Variants in ROBO1 observed in about 807,000 individuals in gnomAD.
The protein encoded by ROBO1 is roundabout homolog 1.
In ROBO1, 149 loss-of-function variants were observed where a neutral mutation model predicts 195.9. That is an observed-to-expected ratio of 0.76 (90% CI 0.67 to 0.87). The LOEUF (loss-of-function observed/expected upper bound fraction) is 0.87. Ranked by LOEUF, ROBO1 falls within the 40% of genes least tolerant of loss-of-function variation. The probability of loss-of-function intolerance (pLI) is 0.00; values close to 1 mark genes in which losing one functional copy is unlikely to be tolerated. For missense variants in ROBO1, 1,933 were observed against 2,068.3 expected (o/e 0.93, Z 1.27); for synonymous variants, 816 against 733.2 (o/e 1.11, Z -1.82).
At chr3:79,146,385 T>C (rs2080649678) in intron 2 of ROBO1, among the ~76,000 whole-genome samples, 2 of 152,010 alleles carry the variant, frequency 1.3e-5, no homozygotes, top group African/African-American at 4.8e-5. Flanking sequence ...CTATCAGCTA[T>C]ATTGATTCTT....
At chr3:79,570,606 ATAG>A (rs1363498198) in intron 2 of ROBO1, among the ~76,000 whole-genome samples, 1 of 152,202 alleles carries the variant, frequency 6.6e-6, no homozygotes, top group African/African-American at 2.4e-5. Context: ...TAAAAATGTC[ATAG>A]TAGAAAGACA....
chr3:78,874,515 G>T (rs968897938), intron 4 of ROBO1, among the ~76,000 whole-genome samples: 1 of 151,580 alleles, frequency 6.6e-6, no homozygotes, highest in Non-Finnish European at 1.5e-5. Flanking sequence ...TACAATATGA[G>T]GTCTTAACAA....
chr3:79,210,667 T>C lies in ROBO1; in HGVS notation c.89-85128A>G, dbSNP rs139212754. On this transcript the variant is annotated intron_variant, in intron 2 of 30. Transcript: ENST00000464233. ...TGAAGGATAGGAGCAAAAGGACACC[T>C]TCTGATTGATCTTTGGTGTGAACTA... Among the ~76,000 whole-genome samples, 329 of 152,266 alleles carry C rather than the reference T, an allele frequency of 2.2e-3. 1 individual carries two copies. Among genetic ancestry groups the C allele is most frequent in the South Asian group, 0.014 (67 of 4,828 alleles).
At chr3:79,604,009 G>T (rs1352472180) in intron 1 of ROBO1, among the ~76,000 whole-genome samples, 2 of 151,958 alleles carry the variant, frequency 1.3e-5, no homozygotes, top group African/African-American at 2.4e-5. Context: ...TACACAACAG[G>T]TACTCTCACG....
intron 2 of ROBO1, among the ~76,000 whole-genome samples, chr3:79,195,077 GTGATTA>G (rs780498231): frequency 2.2e-4 from 33 of 151,534 alleles, no homozygotes; most frequent in Admixed American, 6.6e-5. Flanking sequence ...AACACATATA[GTGATTA>G]TGACTTCAGG....
intron 2 of ROBO1, among the ~76,000 whole-genome samples, chr3:79,487,676 C>T (rs1939233798): frequency 6.6e-6 from 1 of 152,280 alleles, no homozygotes; most frequent in East Asian, 1.9e-4. Flanking sequence ...TTAGCTTTCA[C>T]CTCAGCCTTT....
intron 1 of ROBO1, among the ~76,000 whole-genome samples, chr3:79,717,670 T>G (rs1288125043): frequency 6.6e-6 from 1 of 152,046 alleles, no homozygotes; most frequent in African/African-American, 2.4e-5. Flanking sequence ...ACTTTCCATC[T>G]ACTGCTATTT....
Position 78,627,389 on chromosome 3 carries a change from T to C in ROBO1, c.3807A>G (p.Glu1269=), listed in dbSNP as rs1339158762. ...STATLTPSPQ[E]ELQPMLQDCP... Reference sequence around the variant, plus strand: ...AATCCTGTAACATGGGCTGGAGTTCTTCCTGTGGGGAGGGAGTCAGAGTGG... The same window carrying C: ...AATCCTGTAACATGGGCTGGAGTTCCTCCTGTGGGGAGGGAGTCAGAGTGG... The change falls in exon 26 of 31, where the codon GAA becomes GAG. Residue 1269 remains glutamate (E), a synonymous_variant. Coordinates refer to ENST00000464233, the MANE Select transcript of ROBO1 (RefSeq NM_002941.4). The C allele has an allele frequency of 3.1e-6, 5 of 1,612,528 alleles. No homozygotes were observed. Among genetic ancestry groups the C allele is most frequent in the African/African-American group, 2.7e-5 (2 of 74,906 alleles).
At chr3:79,394,338 G>A (rs2037059601) in intron 2 of ROBO1, among the ~76,000 whole-genome samples, 1 of 152,082 alleles carries the variant, frequency 6.6e-6, no homozygotes. Flanking sequence ...GAAAACTTTA[G>A]TAAGTCACTT....
chr3:79,051,479 C>G (rs1385673323), intron 3 of ROBO1, among the ~76,000 whole-genome samples: 10 of 152,120 alleles, frequency 6.6e-5, no homozygotes, highest in African/African-American at 2.2e-4. Flanking sequence ...ACCACAGGTA[C>G]AAACAAGAGC....
intron 3 of ROBO1, chr3:79,018,760 G>C: frequency 2.6e-6 from 3 of 1,145,958 alleles, no homozygotes; most frequent in Non-Finnish European, 3.3e-6. Flanking sequence ...AGGCAGAAGC[G>C]CAGTAGTGCC....
chr3:78,916,337 G>T (rs1361015364), intron 4 of ROBO1, among the ~76,000 whole-genome samples: 1 of 151,034 alleles, frequency 6.6e-6, no homozygotes, highest in Non-Finnish European at 1.5e-5. Flanking sequence ...CGAACCACCT[G>T]AGGTCAAAAC....
chr3:79,730,866 C>T (rs1346389657), intron 1 of ROBO1, among the ~76,000 whole-genome samples: 1 of 147,872 alleles, frequency 6.8e-6, no homozygotes, highest in Non-Finnish European at 1.5e-5. Context: ...CAAGCTCCAC[C>T]TCCTGGGTTC....
At chr3:79,575,836 C>T (rs566881368) in intron 2 of ROBO1, among the ~76,000 whole-genome samples, 2 of 151,766 alleles carry the variant, frequency 1.3e-5, no homozygotes, top group South Asian at 2.1e-4. Context: ...AAATATATCA[C>T]AGTGTTTACA....
chr3:79,617,863 C>T (rs1398196289), intron 1 of ROBO1, among the ~76,000 whole-genome samples: 2 of 97,654 alleles, frequency 2.0e-5, no homozygotes, highest in South Asian at 3.2e-4. Flanking sequence ...AGAACCAACA[C>T]AAAGAAATCA....
At chr3:79,237,849 G>A (rs978540966) in intron 2 of ROBO1, among the ~76,000 whole-genome samples, 5 of 152,154 alleles carry the variant, frequency 3.3e-5, no homozygotes, top group African/African-American at 4.8e-5. Flanking sequence ...GTCACACCAT[G>A]ATCCACTTAA....
At chr3:78,886,924 T>C (rs2107324385) in intron 4 of ROBO1, among the ~76,000 whole-genome samples, 1 of 152,250 alleles carries the variant, frequency 6.6e-6, no homozygotes, top group East Asian at 1.9e-4. Context: ...ATCCTGCTTA[T>C]TATTCTGCAT....
intron 1 of ROBO1, among the ~76,000 whole-genome samples, chr3:79,712,984 T>C (rs769800981): frequency 1.3e-5 from 2 of 152,042 alleles, no homozygotes; most frequent in Non-Finnish European, 2.9e-5. Flanking sequence ...CATGCAGGTT[T>C]GTTACATAGG....
chr3:78,673,100 G>A (rs1708162088), intron 10 of ROBO1, among the ~76,000 whole-genome samples: 1 of 151,980 alleles, frequency 6.6e-6, no homozygotes, highest in African/African-American at 2.4e-5. Flanking sequence ...AGCCCCATAT[G>A]GTAAGTAGCT....
Sources: allele counts gnomAD v4.1 joint callset (sites outside exome capture counted in the v4.1 genomes callset), GRCh38; gene constraint gnomAD v4.1.1; transcripts MANE v1.5; gene names NCBI Gene and HGNC (gene_info 2026-07-23, HGNC 2026-07-21).